SLC25A13: variants seen among roughly 807,000 people sequenced by gnomAD.
The protein encoded by SLC25A13 is solute carrier family 25 member 13, also known as electrogenic aspartate/glutamate antiporter SLC25A13, mitochondrial.
Under a neutral mutation model 85.5 loss-of-function variants are expected in SLC25A13, and 70 were observed. The ratio of observed to expected loss-of-function variants is 0.82; its 90% confidence interval spans 0.68 to 1.00. The LOEUF is 1.00. SLC25A13 is among the 50% of genes least tolerant of loss of function. The pLI is 0.00. For synonymous variants in SLC25A13, 259 were observed against 288.7 expected, an observed-to-expected ratio of 0.90 and a Z score of 1.04; for missense variants, 765 against 819.8, an observed-to-expected ratio of 0.93 and a Z score of 0.82.
intron 1 of SLC25A13, among the ~76,000 whole-genome samples, chr7:96,306,488 T>G (rs1799747848): frequency 6.6e-6 from 1 of 152,248 alleles, no homozygotes; most frequent in Non-Finnish European, 1.5e-5. Context: ...CTTGGGCAAC[T>G]GCAGGATGGA....
chr7:96,215,978 A>T (rs1180927697), intron 4 of SLC25A13, among the ~76,000 whole-genome samples: 1 of 151,820 alleles, frequency 6.6e-6, no homozygotes, highest in Non-Finnish European at 1.5e-5. Flanking sequence ...AACATGGCAA[A>T]ACCCCATCTC....
At chr7:96,261,273 C>T (rs950115273) in intron 3 of SLC25A13, among the ~76,000 whole-genome samples, 5 of 152,098 alleles carry the variant, frequency 3.3e-5, no homozygotes, top group Middle Eastern at 3.2e-3. Flanking sequence ...CTTTTGTTTA[C>T]ATTATCTGTT....
chr7:96,184,409 T>C lies in SLC25A13; in HGVS notation c.1045A>G (p.Ile349Val), dbSNP rs780785774. Residue 349 changes from isoleucine to valine, a missense_variant, in exon 11 of 18, where the codon ATC (isoleucine) becomes GTC (valine). Physicochemically the swap from Ile to Val is conservative, Grantham distance 29 (BLOSUM62 3). Coordinates refer to ENST00000265631, the MANE Select transcript of SLC25A13 (RefSeq NM_014251.3). ...GAVGATAVYP[I>V]DLVKTRMQNQ... Reference sequence around the variant, plus strand: ...TGCATTCGAGTTTTTACAAGATCGATAGGATACACAGCAGTGGCTCCAACA... The same window carrying C: ...TGCATTCGAGTTTTTACAAGATCGACAGGATACACAGCAGTGGCTCCAACA... The C allele has an allele frequency of 5.6e-6, 9 of 1,614,044 alleles. No homozygotes were observed. The highest frequency in any genetic ancestry group is 2.2e-5 in the East Asian group (1 of 44,880).
rs1478370106 is a variant in SLC25A13 at position 96,120,422 on chromosome 7, C to G, written c.*769G>C. ...CAGCAACAGGGCAACATGCATTTTT[C>G]AAGAGTGTTTATTAAAATAGGCAGT... On this transcript the variant is annotated 3_prime_UTR_variant, in exon 18 of 18. Coordinates refer to ENST00000265631, the MANE Select transcript of SLC25A13 (RefSeq NM_014251.3). 1 of 454,224 alleles carries G rather than the reference C, an allele frequency of 2.2e-6. No individual in the cohort carries two copies. Among genetic ancestry groups the G allele is most frequent in the Non-Finnish European group, 4.4e-6 (1 of 226,786 alleles). 28.1% of individuals were successfully genotyped at this position (454,224 alleles called of 1,614,324 possible).
chr7:96,161,540 C>T lies in SLC25A13; in HGVS notation c.1311+8505G>A, dbSNP rs555191584. On this transcript the variant is annotated intron_variant, in intron 13 of 17. Coordinates refer to ENST00000265631, the MANE Select transcript of SLC25A13 (RefSeq NM_014251.3). ...TATGTCAGACACAATGCTAGACACA[C>T]AGCTGTAACAGTGCAACACAGGCCC... Among the ~76,000 whole-genome samples, 4 of 152,276 alleles carry T rather than the reference C, an allele frequency of 2.6e-5. No individual in the cohort carries two copies. In the East Asian group the frequency reaches 5.8e-4, roughly 22 times the overall value.
At chr7:96,314,311 A>C (rs1461460181) in intron 1 of SLC25A13, among the ~76,000 whole-genome samples, 1 of 152,156 alleles carries the variant, frequency 6.6e-6, no homozygotes, top group African/African-American at 2.4e-5. Flanking sequence ...AGGACAAGCC[A>C]ACAGGTTTAG....
Position 96,184,297 on chromosome 7 carries a change from C to G in SLC25A13, c.1157G>C (p.Gly386Ala), listed in dbSNP as rs776461118. ...CTAACCTCTATACAGTCCAAAGAAG[C>G]CTTCATAGCGTAGCACTTTCTTAAA... ...DCFKKVLRYEGFFGLYRGLLP... is the reference protein window; with the variant it reads ...DCFKKVLRYEAFFGLYRGLLP... The change falls in exon 11 of 18, where the codon GGC (glycine) becomes GCC (alanine). Residue 386 changes from glycine to alanine, a missense_variant. By Grantham distance (60) the Gly-to-Ala change is moderately conservative (BLOSUM62 0). Transcript: ENST00000265631. 4.6e-5 allele frequency: 74 copies of G among 1,613,992 alleles called. No individual in the cohort carries two copies. The highest frequency in any genetic ancestry group is 6.0e-5 in the Non-Finnish European group (71 of 1,180,018).
chr7:96,260,716 T>C (rs575386570), intron 3 of SLC25A13, among the ~76,000 whole-genome samples: 2 of 152,222 alleles, frequency 1.3e-5, no homozygotes, highest in South Asian at 2.1e-4. Flanking sequence ...TCATATCTAA[T>C]CCATCAATAA....
intron 13 of SLC25A13, among the ~76,000 whole-genome samples, chr7:96,165,868 A>C (rs1346197151): frequency 3.3e-5 from 5 of 152,220 alleles, no homozygotes; most frequent in Non-Finnish European, 7.3e-5. Flanking sequence ...TGTTTTTCAA[A>C]ATTTTTCAAA....
chr7:96,161,776 A>C (rs1023667069), intron 13 of SLC25A13, among the ~76,000 whole-genome samples: 2 of 152,256 alleles, frequency 1.3e-5, no homozygotes, highest in African/African-American at 4.8e-5. Context: ...AAGTGCAAGT[A>C]CAAATCAAGA....
chr7:96,146,934 A>G (rs1049319190), intron 13 of SLC25A13, among the ~76,000 whole-genome samples: 1 of 152,186 alleles, frequency 6.6e-6, no homozygotes, highest in Non-Finnish European at 1.5e-5. Context: ...AAGACCAGAG[A>G]TTTCTGTTGA....
At chr7:96,196,996 G>A (rs1222466762) in intron 5 of SLC25A13, among the ~76,000 whole-genome samples, 1 of 152,164 alleles carries the variant, frequency 6.6e-6, no homozygotes, top group East Asian at 1.9e-4. Context: ...AAGCCTATAA[G>A]GTAGGTACTA....
chr7:96,297,522 T>G (rs149748550), intron 1 of SLC25A13, among the ~76,000 whole-genome samples: 16 of 152,086 alleles, frequency 1.1e-4, no homozygotes, highest in African/African-American at 3.6e-4. Flanking sequence ...TTAGTAGAGA[T>G]AGGGTTTCAC....
At chr7:96,299,353 C>G (rs867741698) in intron 1 of SLC25A13, among the ~76,000 whole-genome samples, 1 of 152,152 alleles carries the variant, frequency 6.6e-6, no homozygotes, top group Non-Finnish European at 1.5e-5. Flanking sequence ...GAGAATGACC[C>G]AACACTTATA....
At chr7:96,321,524 GC>G (rs143570834) in intron 1 of SLC25A13, among the ~76,000 whole-genome samples, 3,143 of 152,328 alleles carry the variant, frequency 0.021, 67 homozygotes, top group African/African-American at 0.055. Flanking sequence ...CCGGGCTCTG[GC>G]CCCTGGAAGA....
Position 96,290,429 on chromosome 7 carries a change from T to G in SLC25A13, c.69+6469A>C, listed in dbSNP as rs533292622. 4.9e-4 allele frequency among the ~76,000 whole-genome samples: 74 copies of G among 152,114 alleles called. 1 individual carries two copies. Among genetic ancestry groups the G allele is most frequent in the African/African-American group, 1.7e-3 (70 of 41,502 alleles). The stretch of plus-strand genomic sequence containing the variant: ...GGATCAAATTCACACATAACAATAT[T>G]AACCTTAAATGTAAATGGGCTAAAT... On this transcript the variant is annotated intron_variant, in intron 2 of 17. Transcript: ENST00000265631.
At chr7:96,255,699 A>G (rs1222125559) in intron 3 of SLC25A13, among the ~76,000 whole-genome samples, 1 of 152,164 alleles carries the variant, frequency 6.6e-6, no homozygotes, top group Non-Finnish European at 1.5e-5. Flanking sequence ...AATAATAATA[A>G]TAAATAAAGA....
intron 4 of SLC25A13, among the ~76,000 whole-genome samples, chr7:96,231,983 G>A (rs1445230043): frequency 6.6e-6 from 1 of 152,152 alleles, no homozygotes; most frequent in Non-Finnish European, 1.5e-5. Context: ...TGTAAATGCT[G>A]GTAGGAGTGT....
intron 13 of SLC25A13, among the ~76,000 whole-genome samples, chr7:96,161,757 G>A (rs1218175963): frequency 6.6e-6 from 1 of 152,200 alleles, no homozygotes; most frequent in South Asian, 2.1e-4. Context: ...GAGATGGAAG[G>A]CAGAGATAAA....
Sources: gnomAD v4.1 joint callset for allele counts (sites outside exome capture counted in the v4.1 genomes callset) on GRCh38, gnomAD v4.1.1 for gene constraint, MANE v1.5 for transcripts, NCBI Gene and HGNC (gene_info 2026-07-23, HGNC 2026-07-21) for gene names.